SYBU: variants seen among roughly 807,000 people sequenced by gnomAD.
SYBU encodes GOLSYN A protein.
In SYBU, 21 loss-of-function variants were observed where a neutral mutation model predicts 35.9. The observed-to-expected ratio is 0.58, with a 90% CI of 0.41 to 0.84. The LOEUF (loss-of-function observed/expected upper bound fraction) is 0.84, where lower values mean the gene tolerates loss of function less well. SYBU is among the 40% of genes least tolerant of loss of function. The pLI is 0.00. For missense variants in SYBU, 768 were observed against 848.2 expected, an observed-to-expected ratio of 0.91 and a Z score of 1.17; for synonymous variants, 319 against 324.3, an observed-to-expected ratio of 0.98 and a Z score of 0.18.
chr8:109,676,857 T>A (rs115056181), intron 1 of SYBU, among the ~76,000 whole-genome samples: 18 of 152,210 alleles, frequency 1.2e-4, no homozygotes, highest in African/African-American at 4.3e-4. Flanking sequence ...CTCTGCATAA[T>A]GAAGAACATG....
chr8:109,610,113 C>T (rs764579461), intron 3 of SYBU, among the ~76,000 whole-genome samples: 7 of 152,132 alleles, frequency 4.6e-5, no homozygotes, highest in Non-Finnish European at 8.8e-5. Flanking sequence ...TCCTTAAGCA[C>T]GGAACAATAA....
intron 3 of SYBU, among the ~76,000 whole-genome samples, chr8:109,606,981 AGCT>A (rs1164403202): frequency 6.6e-6 from 1 of 152,194 alleles, no homozygotes; most frequent in Non-Finnish European, 1.5e-5. Flanking sequence ...TTTTGTTTAG[AGCT>A]GCCAGATGTC....
intron 1 of SYBU, among the ~76,000 whole-genome samples, chr8:109,656,433 G>T (rs927454907): frequency 1.2e-4 from 18 of 152,248 alleles, no homozygotes; most frequent in Admixed American, 5.9e-4. Context: ...TGAGTATGGG[G>T]AATAAATATA....
chr8:109,685,208 C>T (rs141512538), upstream of SYBU, among the ~76,000 whole-genome samples: 321 of 152,250 alleles, frequency 2.1e-3, no homozygotes, highest in African/African-American at 7.4e-3. Context: ...GTGTAAAACA[C>T]TTAAAAAATA....
Position 109,575,770 on chromosome 8 carries a change from CATGCTCT to C in SYBU, c.1121_1127del (p.Gln374ArgfsTer9), listed in dbSNP as rs1822210605. ...TCAGAGAGCCACTGTGTGCCATCTCCATGCTCTGAAGGAGAGACTCCAGCTTCTTGTT... is the reference window on the plus strand; with the variant it reads ...TCAGAGAGCCACTGTGTGCCATCTCCGAAGGAGAGACTCCAGCTTCTTGTT... On this transcript the variant is annotated frameshift_variant, in exon 7 of 7. Transcript: ENST00000276646. LOFTEE classifies it low-confidence loss of function (END_TRUNC). The C allele has an allele frequency of 6.2e-7, 1 of 1,614,084 alleles. No homozygotes were observed. Among genetic ancestry groups the C allele is most frequent in the Admixed American group, 1.7e-5 (1 of 60,006 alleles).
intron 3 of SYBU, among the ~76,000 whole-genome samples, chr8:109,615,992 C>A (rs1380985352): frequency 1.6e-4 from 17 of 108,794 alleles, no homozygotes; most frequent in African/African-American, 6.2e-4. Context: ...AATTTCTTTT[C>A]TTTTCTTTTC....
chr8:109,653,496 C>T (rs557368961), intron 1 of SYBU, among the ~76,000 whole-genome samples: 1 of 152,148 alleles, frequency 6.6e-6, no homozygotes, highest in African/African-American at 2.4e-5. Flanking sequence ...AAAGTCTTAA[C>T]AGCACTGCCT....
rs2703381 is a variant in SYBU at position 109,612,701 on chromosome 8, G to A, written c.427+6141C>T. 3.3e-5 allele frequency among the ~76,000 whole-genome samples: 5 copies of A among 152,134 alleles called. No individual in the cohort carries two copies. In the East Asian group the frequency reaches 5.8e-4, roughly 18 times the overall value. On this transcript the variant is annotated intron_variant, in intron 3 of 6. Coordinates refer to ENST00000276646, the MANE Select transcript of SYBU (RefSeq NM_001099754.2). ...AAAACACTTAAAAGGCCACCCAGGC[G>A]GAGTGCGGTGGCTCACGCCTGTAAT... is the stretch of plus-strand genomic sequence containing the variant.
intron 3 of SYBU, among the ~76,000 whole-genome samples, chr8:109,611,189 A>AAC: frequency 6.6e-6 from 1 of 152,318 alleles, no homozygotes; most frequent in Admixed American, 6.5e-5. Context: ...CTTCCTTCTC[A>AAC]ACACATTAGA....
At chr8:109,586,675 C>A (rs1318424288) in intron 3 of SYBU, 3 of 153,164 alleles carry the variant, frequency 2.0e-5, no homozygotes, top group African/African-American at 7.2e-5. Context: ...GGCTCCCAGA[C>A]TGCTGCACTG....
intron 1 of SYBU, among the ~76,000 whole-genome samples, chr8:109,649,947 C>T (rs1816051126): frequency 1.3e-5 from 2 of 152,230 alleles, no homozygotes; most frequent in Non-Finnish European, 2.9e-5. Flanking sequence ...CACAGGTGTA[C>T]AGAAAAGGCA....
chr8:109,576,781 AT>A (rs1334524972), intron 6 of SYBU, among the ~76,000 whole-genome samples: 2 of 152,080 alleles, frequency 1.3e-5, no homozygotes, highest in African/African-American at 2.4e-5. Context: ...CTTATATATA[AT>A]TTTTTCATAT....
intron 1 of SYBU, among the ~76,000 whole-genome samples, chr8:109,678,512 C>A (rs1817285450): frequency 7.3e-6 from 1 of 136,654 alleles, no homozygotes; most frequent in Non-Finnish European, 1.5e-5. Context: ...GTGATCTCTG[C>A]TCACTGCAAC....
At chr8:109,648,277 T>A (rs1406703882), upstream of SYBU, among the ~76,000 whole-genome samples, 1 of 144,800 alleles carries the variant, frequency 6.9e-6, no homozygotes, top group Non-Finnish European at 1.5e-5. Flanking sequence ...ATATATATAA[T>A]ATATATATAT....
At position 109,586,111 on chromosome 8, in the gene SYBU, G is replaced by GGAGCGGAAATGCTGCCTGTGCTGCTC. The variant is rs1163760739; in HGVS notation, c.453_478dup (p.Pro160ArgfsTer63). ...TCCCGCAGTCGACATATGGACCTCA[G>GGAGCGGAAATGCTGCCTGTGCTGCTC]GAGCGGAAATGCTGCCTGTGCTGCT... On this transcript the variant is annotated frameshift_variant, in exon 4 of 7. Coordinates refer to ENST00000276646, the MANE Select transcript of SYBU (RefSeq NM_001099754.2). LOFTEE classifies it high-confidence loss of function. The GGAGCGGAAATGCTGCCTGTGCTGCTC allele has an allele frequency of 1.2e-6, 2 of 1,612,008 alleles. No homozygotes were observed. Among genetic ancestry groups the GGAGCGGAAATGCTGCCTGTGCTGCTC allele is most frequent in the Admixed American group, 3.3e-5 (2 of 59,790 alleles).
chr8:109,646,448 A>G (rs1299092108), upstream of SYBU: 1 of 152,228 alleles, frequency 6.6e-6, no homozygotes, highest in African/African-American at 2.4e-5. Context: ...AGCTTCCTCC[A>G]TAAATCTTCA....
intron 1 of SYBU, among the ~76,000 whole-genome samples, chr8:109,662,079 A>G (rs1287651430): frequency 6.6e-6 from 1 of 152,176 alleles, no homozygotes; most frequent in African/African-American, 2.4e-5. Flanking sequence ...ATCATCCCAA[A>G]TTTATCCATG....
intron 1 of SYBU, 92 bp downstream of exon 1, chr8:109,644,544 T>A: frequency 7.0e-7 from 1 of 1,419,454 alleles, no homozygotes; most frequent in Non-Finnish European, 9.6e-7. Flanking sequence ...AGACTCTAAA[T>A]GTCACCCCTC....
At chr8:109,595,457 A>T (rs1371421430) in intron 3 of SYBU, among the ~76,000 whole-genome samples, 3 of 152,218 alleles carry the variant, frequency 2.0e-5, no homozygotes, top group African/African-American at 7.2e-5. Flanking sequence ...GAGAGCTGTT[A>T]TCTCCACATC....
Sources: allele counts gnomAD v4.1 joint callset (sites outside exome capture counted in the v4.1 genomes callset), GRCh38; gene constraint gnomAD v4.1.1; transcripts MANE v1.5; gene names NCBI Gene and HGNC (gene_info 2026-07-23, HGNC 2026-07-21).